CDH2: variants seen among roughly 807,000 people sequenced by gnomAD.
CDH2 encodes cadherin 2, also known as cadherin-2.
Under a neutral mutation model 92.0 loss-of-function variants are expected in CDH2, and 17 were observed. The observed-to-expected ratio is 0.18, with a 90% CI of 0.13 to 0.28. The LOEUF (loss-of-function observed/expected upper bound fraction) is 0.28. Among genes scored for constraint, CDH2 ranks in the 10% least tolerant of loss-of-function variants. CDH2 has a pLI of 1.00. For missense variants in CDH2, 862 were observed against 1,133.1 expected (o/e 0.76, Z 3.44); for synonymous variants, 419 against 415.9 (o/e 1.01, Z -0.09).
intron 2 of CDH2, among the ~76,000 whole-genome samples, chr18:28,078,549 C>T (rs2014768317): frequency 6.6e-6 from 1 of 152,244 alleles, no homozygotes; most frequent in South Asian, 2.1e-4. Context: ...CAACTCCTAA[C>T]AGTGGCAGTG....
chr18:28,108,863 T>TCC (rs1326418325), intron 2 of CDH2, among the ~76,000 whole-genome samples: 1 of 151,622 alleles, frequency 6.6e-6, no homozygotes, highest in Non-Finnish European at 1.5e-5. Context: ...TAAAAAAACT[T>TCC]CCCCTCTCTT....
intron 1 of CDH2, among the ~76,000 whole-genome samples, chr18:28,149,723 A>AG (rs1297828470): frequency 1.3e-5 from 2 of 152,240 alleles, no homozygotes; most frequent in Non-Finnish European, 1.5e-5. Flanking sequence ...AAACTAGGAA[A>AG]GGCATCAGGA....
chr18:27,968,901 T>C (rs1352507583), intron 14 of CDH2, among the ~76,000 whole-genome samples: 3 of 151,940 alleles, frequency 2.0e-5, no homozygotes, highest in African/African-American at 7.3e-5. Flanking sequence ...CAAAAAGAAA[T>C]GGAAGGTGGG....
intron 2 of CDH2, among the ~76,000 whole-genome samples, chr18:28,100,013 C>T (rs760905676): frequency 6.6e-6 from 1 of 152,090 alleles, no homozygotes; most frequent in Non-Finnish European, 1.5e-5. Flanking sequence ...ATTCATCCAT[C>T]CATCCACCCA....
At chr18:28,016,307 T>G (rs1035351169) in intron 2 of CDH2, among the ~76,000 whole-genome samples, 14 of 152,184 alleles carry the variant, frequency 9.2e-5, no homozygotes, top group African/African-American at 3.4e-4. Context: ...CTTAGGACAC[T>G]TGATGGTCAC....
chr18:27,940,395 G>A (rs1293249289), intron 6 of CDH2, among the ~76,000 whole-genome samples: 1 of 152,158 alleles, frequency 6.6e-6, no homozygotes, highest in African/African-American at 2.4e-5. Context: ...AAGGTCCCTA[G>A]AAATTCTAAT....
chr18:28,109,868 A>AT lies in CDH2; in HGVS notation c.172+37804dup, dbSNP rs2015382308. Among the ~76,000 whole-genome samples the AT allele has an allele frequency of 2.0e-5, 3 of 152,352 alleles. No individual in the cohort carries two copies. In the South Asian group the frequency reaches 6.2e-4, roughly 32 times the overall value. On this transcript the variant is annotated intron_variant, in intron 2 of 15. Transcript: ENST00000269141. ...TGTCAGCATGTATAAAGTGTTATTGATTCCTCTTTCATATGCCAAAATAGT... is the reference window on the plus strand; with the variant it reads ...TGTCAGCATGTATAAAGTGTTATTGATTTCCTCTTTCATATGCCAAAATAGT...
intron 3 of CDH2, among the ~76,000 whole-genome samples, chr18:28,013,454 C>CA (rs2013153221): frequency 6.6e-6 from 1 of 152,058 alleles, no homozygotes; most frequent in South Asian, 2.1e-4. Flanking sequence ...TTATAAATCT[C>CA]AAAGTATAAA....
intron 2 of CDH2, chr18:28,146,418 G>A (rs979254408): frequency 2.0e-5 from 3 of 151,866 alleles, no homozygotes; most frequent in African/African-American, 7.3e-5. Flanking sequence ...GGCTGTACAC[G>A]GATTTAAATT....
intron 1 of CDH2, among the ~76,000 whole-genome samples, chr18:28,165,539 C>A (rs2016365257): frequency 6.6e-6 from 1 of 152,146 alleles, no homozygotes; most frequent in Non-Finnish European, 1.5e-5. Flanking sequence ...CACAAACACA[C>A]ACTAACCCAT....
chr18:28,127,457 C>T (rs190595116), intron 2 of CDH2, among the ~76,000 whole-genome samples: 3 of 152,236 alleles, frequency 2.0e-5, no homozygotes, highest in Admixed American at 1.3e-4. Context: ...CAAGGCCCTG[C>T]GGCAAAGGGA....
chr18:28,049,398 CGA>C (rs1488441005), intron 2 of CDH2, among the ~76,000 whole-genome samples: 1 of 152,002 alleles, frequency 6.6e-6, no homozygotes, highest in African/African-American at 2.4e-5. Context: ...CTACCTTCTG[CGA>C]GAGAGGAAAC....
chr18:28,077,368 T>C (rs772010420), intron 2 of CDH2, among the ~76,000 whole-genome samples: 7 of 152,118 alleles, frequency 4.6e-5, no homozygotes, highest in Non-Finnish European at 8.8e-5. Context: ...AAGGAAGATG[T>C]TACCGGATCA....
chr18:28,015,636 G>T (rs771641248), intron 2 of CDH2, among the ~76,000 whole-genome samples: 1 of 152,032 alleles, frequency 6.6e-6, no homozygotes, highest in Admixed American at 6.6e-5. Context: ...AACATAATCT[G>T]GAATAGAAAA....
rs115896526 is a variant in CDH2, at chr18:28,044,606, G to A, written c.173-30697C>T. Among the ~76,000 whole-genome samples the A allele has an allele frequency of 1.2e-3, 176 of 152,224 alleles. 1 individual carries two copies. Among genetic ancestry groups the A allele is most frequent in the African/African-American group, 3.9e-3 (164 of 41,534 alleles). ...CTATCTACTCAATGACATGCGAAGT[G>A]CATACATGCCTTGCTTCCCATTCTA... is the stretch of plus-strand genomic sequence containing the variant. On this transcript the variant is annotated intron_variant, in intron 2 of 15. Transcript: ENST00000269141.
chr18:28,128,333 T>C (rs2015710530), intron 2 of CDH2, among the ~76,000 whole-genome samples: 1 of 152,152 alleles, frequency 6.6e-6, no homozygotes, highest in Non-Finnish European at 1.5e-5. Flanking sequence ...CAATATAATA[T>C]TGTCTGTGCA....
At chr18:28,167,819 G>T (rs185476522) in intron 1 of CDH2, among the ~76,000 whole-genome samples, 1 of 152,194 alleles carries the variant, frequency 6.6e-6, no homozygotes, top group East Asian at 1.9e-4. Flanking sequence ...TATCATATCA[G>T]GTAGCAGGAT....
chr18:28,103,577 A>G (rs552971758), intron 2 of CDH2, among the ~76,000 whole-genome samples: 2 of 151,848 alleles, frequency 1.3e-5, no homozygotes, highest in East Asian at 1.9e-4. Flanking sequence ...AGGTATACAC[A>G]TGCCATGGTG....
chr18:27,981,584 T>C (rs2012057776), intron 14 of CDH2, among the ~76,000 whole-genome samples: 1 of 152,112 alleles, frequency 6.6e-6, no homozygotes, highest in African/African-American at 2.4e-5. Context: ...ACTCTGAAAG[T>C]AAATCATGCA....
Sources: gnomAD v4.1 joint callset for allele counts (sites outside exome capture counted in the v4.1 genomes callset) on GRCh38, gnomAD v4.1.1 for gene constraint, MANE v1.5 for transcripts, NCBI Gene and HGNC (gene_info 2026-07-23, HGNC 2026-07-21) for gene names.